The following JAM3 variants were observed in gnomAD, a reference collection of about 807,000 sequenced individuals.
The protein encoded by JAM3 is junctional adhesion molecule 3, also known as junctional adhesion molecule C.
Under a neutral mutation model 39.4 loss-of-function variants are expected in JAM3, and 31 were observed. The observed-to-expected ratio is 0.79, with a 90% CI of 0.59 to 1.06. The LOEUF (loss-of-function observed/expected upper bound fraction) is 1.06. Ranked by LOEUF, JAM3 falls within the 50% of genes least tolerant of loss-of-function variation. The probability of loss-of-function intolerance (pLI) is 0.00; values close to 1 mark genes in which losing one functional copy is unlikely to be tolerated. For missense variants in JAM3, 455 were observed against 391.4 expected (o/e 1.16, Z -1.37); for synonymous variants, 182 against 148.7 (o/e 1.22, Z -1.63).
At chr11:134,132,705 A>G (rs998728080) in intron 1 of JAM3, among the ~76,000 whole-genome samples, 15 of 152,132 alleles carry the variant, frequency 9.9e-5, no homozygotes, top group African/African-American at 3.6e-4. Context: ...TCCCCTCCCT[A>G]TGCCAGGAGT....
intron 1 of JAM3, among the ~76,000 whole-genome samples, chr11:134,131,122 T>G (rs1335867955): frequency 6.6e-6 from 1 of 151,616 alleles, no homozygotes; most frequent in Non-Finnish European, 1.5e-5. Flanking sequence ...GATGCTAAGA[T>G]TCATCCCAGG....
rs1591763847 is a variant in JAM3, at chr11:134,069,301, G to T, written c.76+142G>T. 11 of 1,112,552 alleles carry T rather than the reference G, an allele frequency of 9.9e-6. No homozygotes were observed. In the South Asian group the frequency reaches 1.5e-4, roughly 15 times the overall value. The allele number at this position is 1,112,552 out of a possible 1,614,324, so 68.9% of individuals were successfully genotyped here. A position where few individuals can be genotyped will look rare whatever the true frequency, so the allele number is the denominator to read the frequency against. On this transcript the variant is annotated intron_variant, in intron 1 of 8. Transcript: ENST00000299106. ...CCCGGGGTCCCGGGCCGGAGGGGCG[G>T]CGCGCGCCCGCGTCCCCGCAGCCAG...
rs1432607354 is a variant in JAM3 at position 134,134,068 on chromosome 11, TAGAA to T, written c.77-5778_77-5775del. 8.5e-5 allele frequency among the ~76,000 whole-genome samples: 13 copies of T among 152,120 alleles called. No individual in the cohort carries two copies. The South Asian group carries it at 2.7e-3, about 32-fold the overall frequency. ...GTGCAAGCAGAGAGATGGAAATTTT[TAGAA>T]AGAATCAAAACGAAACACTAGAGAT... On this transcript the variant is annotated intron_variant, in intron 1 of 8. Coordinates refer to ENST00000299106, the MANE Select transcript of JAM3 (RefSeq NM_032801.5).
At chr11:134,127,885 T>C (rs1942681694) in intron 1 of JAM3, among the ~76,000 whole-genome samples, 1 of 152,128 alleles carries the variant, frequency 6.6e-6, no homozygotes, top group African/African-American at 2.4e-5. Context: ...GACCTCTCCA[T>C]CATCACCTGT....
chr11:134,124,244 G>A (rs1007822763), intron 1 of JAM3: 13 of 1,151,684 alleles, frequency 1.1e-5, no homozygotes, highest in East Asian at 2.3e-5. Context: ...CTGGGAACTC[G>A]TTGAGAGTAG....
At chr11:134,076,151 C>CTTTTTTT (rs551303530) in intron 1 of JAM3, among the ~76,000 whole-genome samples, 30 of 120,390 alleles carry the variant, frequency 2.5e-4, no homozygotes, top group Non-Finnish European at 3.6e-4. Context: ...TCTTTTCTTT[C>CTTTTTTT]TTTTTTTTTT....
chr11:134,124,100 C>T, intron 1 of JAM3: 2 of 1,483,880 alleles, frequency 1.3e-6, no homozygotes, highest in African/African-American at 1.4e-5. Flanking sequence ...CATCTACTAT[C>T]TGATTAGGGG....
At chr11:134,105,047 CAAAA>C (rs965988435) in intron 1 of JAM3, among the ~76,000 whole-genome samples, 3 of 151,922 alleles carry the variant, frequency 2.0e-5, no homozygotes, top group African/African-American at 7.3e-5. Flanking sequence ...GGCAGAGACA[CAAAA>C]AAAGAGAATT....
chr11:134,143,608 A>G (rs375835286), intron 3 of JAM3, among the ~76,000 whole-genome samples: 13 of 152,144 alleles, frequency 8.5e-5, no homozygotes, highest in African/African-American at 2.9e-4. Context: ...GCTAGGTTGG[A>G]TGTACGATTT....
intron 1 of JAM3, among the ~76,000 whole-genome samples, chr11:134,076,297 G>A (rs970174588): frequency 2.6e-5 from 4 of 151,560 alleles, no homozygotes; most frequent in Non-Finnish European, 5.9e-5. Flanking sequence ...TGGGATTACA[G>A]GCGGCCGCCA....
chr11:134,080,611 C>T (rs1048569396), intron 1 of JAM3, among the ~76,000 whole-genome samples: 21 of 152,180 alleles, frequency 1.4e-4, no homozygotes, highest in South Asian at 2.1e-4. Context: ...TACCTTCTGC[C>T]GTGATTGTGA....
intron 1 of JAM3, among the ~76,000 whole-genome samples, chr11:134,125,004 T>A (rs1942617570): frequency 6.6e-6 from 1 of 152,148 alleles, no homozygotes; most frequent in Non-Finnish European, 1.5e-5. Flanking sequence ...CCCCCCAGCC[T>A]CAGCGCGCGA....
rs1287428314 is a variant in JAM3, at chr11:134,149,375, T to A, written c.*194T>A. On this transcript the variant is annotated 3_prime_UTR_variant, in exon 9 of 9. Transcript: ENST00000299106. ...ATGAATAGAAGAATTTTCCTCAAGA[T>A]GGACCCGGTAAATATAACCACAAGG... 4.5e-6 allele frequency: 3 copies of A among 664,870 alleles called. No individual in the cohort carries two copies. The highest frequency in any genetic ancestry group is 2.7e-5 in the East Asian group (1 of 36,752). The allele number at this position is 664,870 out of a possible 1,614,324, so 41.2% of individuals were successfully genotyped here.
chr11:134,146,869 G>A (rs1186461160), intron 6 of JAM3, among the ~76,000 whole-genome samples: 1 of 152,136 alleles, frequency 6.6e-6, no homozygotes, highest in Non-Finnish European at 1.5e-5. Flanking sequence ...GCCCAGCCAG[G>A]AGCATTTTTT....
At chr11:134,099,193 C>T (rs1264739987) in intron 1 of JAM3, among the ~76,000 whole-genome samples, 2 of 151,722 alleles carry the variant, frequency 1.3e-5, no homozygotes, top group Admixed American at 1.3e-4. Context: ...AGGGTGAGAC[C>T]CTATTTCAAA....
intron 3 of JAM3, among the ~76,000 whole-genome samples, chr11:134,142,363 A>G (rs1238789448): frequency 6.6e-6 from 1 of 152,086 alleles, no homozygotes; most frequent in Non-Finnish European, 1.5e-5. Flanking sequence ...ATCCTCCACT[A>G]ATGGGTGGGT....
In JAM3 at chr11:134,113,559, A is replaced by T. The variant is rs558492116; in HGVS notation, c.77-26292A>T. ...ATGGCTGCATAGTATTCCATGGTGTATATGTGCCACATTTTCTTAATCCAG... is the reference window on the plus strand; with the variant it reads ...ATGGCTGCATAGTATTCCATGGTGTTTATGTGCCACATTTTCTTAATCCAG... On this transcript the variant is annotated intron_variant, in intron 1 of 8. Transcript: ENST00000299106. Among the ~76,000 whole-genome samples the T allele has an allele frequency of 1.3e-4, 20 of 152,320 alleles. No individual in the cohort carries two copies. The East Asian group carries it at 3.5e-3, about 26-fold the overall frequency.
intron 1 of JAM3, among the ~76,000 whole-genome samples, chr11:134,099,743 A>C (rs1295702421): frequency 6.6e-6 from 1 of 152,084 alleles, no homozygotes; most frequent in Non-Finnish European, 1.5e-5. Context: ...AGTAGCTGGG[A>C]TTACAGGTGT....
chr11:134,136,189 C>G (rs1226684915), intron 1 of JAM3, among the ~76,000 whole-genome samples: 2 of 152,134 alleles, frequency 1.3e-5, no homozygotes, highest in Admixed American at 1.3e-4. Context: ...AGCAGTTTTC[C>G]TTTTTCCGCC....
Sources: gnomAD v4.1 joint callset for allele counts (sites outside exome capture counted in the v4.1 genomes callset) on GRCh38, gnomAD v4.1.1 for gene constraint, MANE v1.5 for transcripts, NCBI Gene and HGNC (gene_info 2026-07-23, HGNC 2026-07-21) for gene names.